The following BRD9 variants were observed in gnomAD, a reference collection of about 807,000 sequenced individuals.
BRD9 encodes bromodomain-containing protein 9.
Under a neutral mutation model 68.7 loss-of-function variants are expected in BRD9, and 47 were observed. The observed-to-expected ratio is 0.68, with a 90% CI of 0.54 to 0.87. The LOEUF (loss-of-function observed/expected upper bound fraction) is 0.87, where lower values mean the gene tolerates loss of function less well. Ranked by LOEUF, BRD9 falls within the 40% of genes least tolerant of loss-of-function variation. BRD9 has a pLI of 0.00. For synonymous variants in BRD9, 313 were observed against 293.9 expected (o/e 1.06, Z -0.67); for missense variants, 670 against 748.4 (o/e 0.90, Z 1.22).
chr5:868,886 A>G, intron 14 of BRD9: 1 of 160,036 alleles, frequency 6.2e-6, no homozygotes, highest in Non-Finnish European at 1.4e-5. Flanking sequence ...AGTGGGACCC[A>G]TGGATCCAGG....
chr5:892,468 C>G, intron 1 of BRD9, 138 bp downstream of exon 1: 1 of 1,429,756 alleles, frequency 7.0e-7, no homozygotes, highest in Non-Finnish European at 9.1e-7. Context: ...ATCCCAGGAC[C>G]CCCTCCCGCG....
chr5:869,613 T>C (rs1311757224), intron 14 of BRD9, among the ~76,000 whole-genome samples: 1 of 152,228 alleles, frequency 6.6e-6, no homozygotes, highest in African/African-American at 2.4e-5. Flanking sequence ...TTTTGAAGCC[T>C]GCTACCTGAA....
chr5:868,162 T>G (rs146641662), intron 14 of BRD9, among the ~76,000 whole-genome samples: 125 of 152,360 alleles, frequency 8.2e-4, no homozygotes, highest in African/African-American at 2.9e-3. Flanking sequence ...CTCCGCCATG[T>G]GAAGACATGC....
intron 4 of BRD9, 92 bp from the exon 5 acceptor site, chr5:889,257 ATT>A: frequency 7.5e-7 from 1 of 1,334,090 alleles, no homozygotes; most frequent in Non-Finnish European, 1.0e-6. Flanking sequence ...AACTGACCGA[ATT>A]TTGTTTCTTA....
intron 9 of BRD9, among the ~76,000 whole-genome samples, chr5:880,649 C>T (rs1047686259): frequency 3.3e-5 from 5 of 152,216 alleles, no homozygotes; most frequent in African/African-American, 9.6e-5. Context: ...CAACAAAGTG[C>T]CCCTGACGGG....
chr5:884,128 C>T (rs1179332111), intron 7 of BRD9, 58 bp from the exon 8 acceptor site: 95 of 1,586,384 alleles, frequency 6.0e-5, no homozygotes, highest in Non-Finnish European at 8.0e-5. Context: ...CACACCTGCT[C>T]CCCATGCGTC....
At chr5:877,667 G>C (rs536466414) in intron 11 of BRD9, among the ~76,000 whole-genome samples, 2 of 152,286 alleles carry the variant, frequency 1.3e-5, no homozygotes, top group East Asian at 3.9e-4. Context: ...TGTGATTTTA[G>C]TATTATACTT....
At chr5:865,084 G>C (rs1043316032) in intron 15 of BRD9, among the ~76,000 whole-genome samples, 1 of 152,170 alleles carries the variant, frequency 6.6e-6, no homozygotes, top group African/African-American at 2.4e-5. Flanking sequence ...ACCACTCCAG[G>C]ACACATGGCC....
At chr5:891,407 C>A in intron 2 of BRD9, 120 bp from the exon 3 acceptor site, 1 of 1,408,674 alleles carries the variant, frequency 7.1e-7, no homozygotes. Flanking sequence ...CCTCCGAGAT[C>A]CTCCTCATGC....
chr5:892,547 A>G, intron 1 of BRD9, 59 bp downstream of exon 1: 1 of 1,519,502 alleles, frequency 6.6e-7, no homozygotes. Flanking sequence ...CGTGCCCGGA[A>G]CTCCTCCCCC....
Position 873,871 on chromosome 5 carries a change from A to G in BRD9, c.1383+2230T>C, listed in dbSNP as rs1337514421. Among the ~76,000 whole-genome samples the G allele has an allele frequency of 2.6e-5, 4 of 152,314 alleles. No homozygotes were observed. The East Asian group carries it at 7.7e-4, about 29-fold the overall frequency. The stretch of plus-strand genomic sequence containing the variant: ...AGAGACTCATCCGAACTCCACCCAC[A>G]GCAGAGACCACGCTGAAAAGACAGG... On this transcript the variant is annotated intron_variant, in intron 12 of 15. Transcript: ENST00000467963.
chr5:886,245 AGTCTGGGACAAGGGC>A (rs763686476), intron 7 of BRD9, among the ~76,000 whole-genome samples: 3 of 152,254 alleles, frequency 2.0e-5, no homozygotes, highest in Non-Finnish European at 4.4e-5. Context: ...TGTGCGGCAC[AGTCTGGGACAAGGGC>A]ACAGCCTTGG....
At position 892,630 on chromosome 5, in the gene BRD9, C is replaced by CCTTGTGCTT. The variant is rs1560938597; in HGVS notation, c.19_27dup (p.Lys7_Lys9dup). 4.0e-6 allele frequency: 6 copies of CCTTGTGCTT among 1,509,888 alleles called. No homozygotes were observed. The highest frequency in any genetic ancestry group is 4.3e-5 in the Admixed American group (2 of 46,062). The allele number at this position is 1,509,888 out of a possible 1,614,324, so 93.5% of individuals were successfully genotyped here. ...CCCTCGTAGGACGAGCGCCACTCGG[C>CCTTGTGCTT]CTTGTGCTTCTTGTGCTTCTTGCCC... On this transcript the variant is annotated inframe_insertion, in exon 1 of 16. Transcript: ENST00000467963.
At chr5:892,544 G>A in intron 1 of BRD9, 62 bp downstream of exon 1, 4 of 1,521,652 alleles carry the variant, frequency 2.6e-6, no homozygotes, top group South Asian at 2.4e-5. Flanking sequence ...CCGCGTGCCC[G>A]GAACTCCTCC....
rs527626641 is a variant in BRD9, at chr5:876,903, C to G, written c.1272-691G>C. ...CCCACAGCCCGGGACAGGCCAAGCT[C>G]GGCACTCGCAGCGTGCACGGAAGCA... On this transcript the variant is annotated intron_variant, in intron 11 of 15. Coordinates refer to ENST00000467963, the MANE Select transcript of BRD9 (RefSeq NM_023924.5). Among the ~76,000 whole-genome samples, 4 of 152,268 alleles carry G rather than the reference C, an allele frequency of 2.6e-5. No homozygotes were observed. The East Asian group carries it at 7.7e-4, about 29-fold the overall frequency.
intron 1 of BRD9, chr5:892,186 G>A (rs945489631): frequency 4.9e-5 from 21 of 431,592 alleles, no homozygotes; most frequent in South Asian, 1.4e-4. Context: ...GAAACCCCCA[G>A]CACTTCGGTT....
At chr5:865,341 CACT>C in intron 15 of BRD9, 70 bp downstream of exon 15, 1 of 1,475,640 alleles carries the variant, frequency 6.8e-7, no homozygotes, top group South Asian at 1.3e-5. Flanking sequence ...CAATGCTGCC[CACT>C]ACCTCGTCTA....
intron 14 of BRD9, among the ~76,000 whole-genome samples, chr5:868,284 T>C (rs1214806812): frequency 1.3e-5 from 2 of 152,218 alleles, no homozygotes; most frequent in East Asian, 3.9e-4. Context: ...CCTTCACCAA[T>C]GACCAGTCTC....
Position 892,634 on chromosome 5 carries a change from G to C in BRD9, c.24C>G (p.His8Gln). ...CGTAGGACGAGCGCCACTCGGCCTT[G>C]TGCTTCTTGTGCTTCTTGCCCATGG... MGKKHKKHKAEWRSSYED... is the reference protein window; with the variant it reads MGKKHKKQKAEWRSSYED... The change falls in exon 1 of 16, where the codon CAC (histidine) becomes CAG (glutamine). Residue 8 changes from histidine to glutamine, a missense_variant. His to Gln is a conservative substitution (Grantham distance 24). Transcript: ENST00000467963. The C allele has an allele frequency of 1.3e-6, 2 of 1,487,250 alleles. No homozygotes were observed. Among genetic ancestry groups the C allele is most frequent in the Non-Finnish European group, 1.8e-6 (2 of 1,118,470 alleles). The allele number at this position is 1,487,250 out of a possible 1,614,324, so 92.1% of individuals were successfully genotyped here.
Sources: gnomAD v4.1 joint callset for allele counts (sites outside exome capture counted in the v4.1 genomes callset) on GRCh38, gnomAD v4.1.1 for gene constraint, MANE v1.5 for transcripts, NCBI Gene and HGNC (gene_info 2026-07-23, HGNC 2026-07-21) for gene names.